The following PCDHA11 variants were observed in gnomAD, a reference collection of about 807,000 sequenced individuals.
PCDHA11 encodes the protein protocadherin alpha-11.
In PCDHA11, 61 loss-of-function variants were observed where a neutral mutation model predicts 70.3. The observed-to-expected ratio is 0.87, with a 90% confidence interval of 0.71 to 1.07. PCDHA11 has a LOEUF of 1.07. PCDHA11 is among the 50% of genes least tolerant of loss of function. The pLI is 0.00. For synonymous variants in PCDHA11, 633 were observed against 555.1 expected (o/e 1.14, Z -1.97); for missense variants, 1,324 against 1,237.5 (o/e 1.07, Z -1.05).
intron 1 of PCDHA11, among the ~76,000 whole-genome samples, chr5:140,958,989 A>C (rs2095457963): frequency 6.6e-6 from 1 of 152,064 alleles, no homozygotes; most frequent in Non-Finnish European, 1.5e-5. Flanking sequence ...TATTGTTGCT[A>C]ATCTTTTACT....
At chr5:140,924,028 G>A (rs908427261) in intron 1 of PCDHA11, among the ~76,000 whole-genome samples, 2 of 152,158 alleles carry the variant, frequency 1.3e-5, no homozygotes, top group South Asian at 4.1e-4. Context: ...TGGAGGCATG[G>A]CTGCAGACCT....
rs1483756278 is a variant in PCDHA11, at chr5:140,982,223, T to TA, written c.2451-246dup. On this transcript the variant is annotated intron_variant, in intron 2 of 3. Transcript: ENST00000398640. Reference sequence around the variant, plus strand: ...TTTAGTGAGCGCCACATGGCGTTAATAAAAAACAGAATTGCCATAAAGATA... The same window carrying TA: ...TTTAGTGAGCGCCACATGGCGTTAATAAAAAAACAGAATTGCCATAAAGATA... 8.6e-6 allele frequency: 5 copies of TA among 580,096 alleles called. No homozygotes were observed. In the East Asian group the frequency reaches 1.2e-4, roughly 14 times the overall value. The allele number at this position is 580,096 out of a possible 1,614,324, so 35.9% of individuals were successfully genotyped here. A position where few individuals can be genotyped will look rare whatever the true frequency, so the allele number is the denominator to read the frequency against.
chr5:140,885,371 C>T (rs2153409645), intron 1 of PCDHA11, among the ~76,000 whole-genome samples: 1 of 152,182 alleles, frequency 6.6e-6, no homozygotes, highest in East Asian at 1.9e-4. Flanking sequence ...CTGAAAGTAC[C>T]TTTTGGCAGT....
At chr5:140,938,827 C>T (rs905501922) in intron 1 of PCDHA11, among the ~76,000 whole-genome samples, 4 of 151,880 alleles carry the variant, frequency 2.6e-5, no homozygotes, top group Non-Finnish European at 4.4e-5. Context: ...CATGAGTTTG[C>T]GTTATAACAA....
chr5:140,996,524 C>A (rs1303736536), intron 3 of PCDHA11, among the ~76,000 whole-genome samples: 3 of 152,048 alleles, frequency 2.0e-5, no homozygotes, highest in African/African-American at 7.2e-5. Flanking sequence ...TTAGAAAGGC[C>A]CTGTGTGTTT....
At chr5:140,907,564 C>A (rs782642591) in intron 1 of PCDHA11, among the ~76,000 whole-genome samples, 1 of 152,228 alleles carries the variant, frequency 6.6e-6, no homozygotes, top group African/African-American at 2.4e-5. Flanking sequence ...ATATAATCAA[C>A]TTGCCACCAG....
intron 1 of PCDHA11, among the ~76,000 whole-genome samples, chr5:140,909,441 C>A (rs971678951): frequency 2.6e-5 from 4 of 152,214 alleles, no homozygotes; most frequent in African/African-American, 9.7e-5. Flanking sequence ...AATCCACTGT[C>A]ATTCTCCAAG....
intron 1 of PCDHA11, chr5:140,884,343 C>T (rs368888498): frequency 1.2e-6 from 2 of 1,613,900 alleles, no homozygotes; most frequent in Non-Finnish European, 1.7e-6. Context: ...CCAGAAGCGG[C>T]GCTGGTGGAT....
At chr5:140,901,515 T>C (rs1323018473) in intron 1 of PCDHA11, among the ~76,000 whole-genome samples, 1 of 152,178 alleles carries the variant, frequency 6.6e-6, no homozygotes, top group Non-Finnish European at 1.5e-5. Context: ...ATTATAGATA[T>C]GTGGATTTGT....
intron 1 of PCDHA11, chr5:140,875,685 C>T (rs563250653): frequency 6.2e-7 from 1 of 1,613,934 alleles, no homozygotes; most frequent in South Asian, 1.1e-5. Flanking sequence ...CCAAAAGACA[C>T]GGGGACCTTC....
At chr5:140,927,956 C>G in intron 1 of PCDHA11, 1 of 1,614,224 alleles carries the variant, frequency 6.2e-7, no homozygotes. Flanking sequence ...GACGCTGCCC[C>G]TGGCACAGTG....
At chr5:140,916,613 A>T (rs2077649645) in intron 1 of PCDHA11, among the ~76,000 whole-genome samples, 1 of 151,990 alleles carries the variant, frequency 6.6e-6, no homozygotes, top group Non-Finnish European at 1.5e-5. Flanking sequence ...GGGCCTCATG[A>T]CTCTACTCAA....
intron 1 of PCDHA11, among the ~76,000 whole-genome samples, chr5:140,908,402 T>C (rs2073951162): frequency 6.6e-6 from 1 of 152,166 alleles, no homozygotes; most frequent in Non-Finnish European, 1.5e-5. Flanking sequence ...TATATACCAC[T>C]TCCATTTGAT....
At chr5:140,924,049 T>C (rs1554201723) in intron 1 of PCDHA11, among the ~76,000 whole-genome samples, 1 of 152,254 alleles carries the variant, frequency 6.6e-6, no homozygotes, top group East Asian at 1.9e-4. Flanking sequence ...AAAAGTTCGG[T>C]ACATCTTTAC....
chr5:140,971,805 T>C (rs938421537), intron 1 of PCDHA11, among the ~76,000 whole-genome samples: 1 of 152,166 alleles, frequency 6.6e-6, no homozygotes, highest in Non-Finnish European at 1.5e-5. Flanking sequence ...AATATTATAA[T>C]ATTGAATACA....
At chr5:140,944,046 G>A (rs782798105) in intron 1 of PCDHA11, among the ~76,000 whole-genome samples, 3 of 152,158 alleles carry the variant, frequency 2.0e-5, no homozygotes, top group Non-Finnish European at 4.4e-5. Context: ...AACCAGATTG[G>A]GATACAAAAA....
At chr5:140,873,064 T>A (rs1554166548) in intron 1 of PCDHA11, among the ~76,000 whole-genome samples, 1 of 152,186 alleles carries the variant, frequency 6.6e-6, no homozygotes, top group Non-Finnish European at 1.5e-5. Context: ...TTCTTGAGAA[T>A]CATATCTAGC....
intron 1 of PCDHA11, among the ~76,000 whole-genome samples, chr5:140,888,357 G>C (rs2061799918): frequency 6.6e-6 from 1 of 152,138 alleles, no homozygotes; most frequent in Non-Finnish European, 1.5e-5. Flanking sequence ...ATTGCTACTG[G>C]CATCTAATAA....
chr5:140,875,651 T>A lies in PCDHA11; in HGVS notation c.2391+4157T>A, dbSNP rs782085221. The A allele has an allele frequency of 5.1e-5, 83 of 1,613,604 alleles. 1 individual carries two copies. The South Asian group carries it at 8.5e-4, about 16-fold the overall frequency. On this transcript the variant is annotated intron_variant, in intron 1 of 3. Coordinates refer to ENST00000398640, the MANE Select transcript of PCDHA11 (RefSeq NM_018902.5). Reference sequence around the variant, plus strand: ...CTGGGGCTGGAGCTGGCGGAGCTGGTGCCGCGCCTGTTCCGGGTGGCGTCC... The same window carrying A: ...CTGGGGCTGGAGCTGGCGGAGCTGGAGCCGCGCCTGTTCCGGGTGGCGTCC...
Sources: gnomAD v4.1 joint callset for allele counts (sites outside exome capture counted in the v4.1 genomes callset) on GRCh38, gnomAD v4.1.1 for gene constraint, MANE v1.5 for transcripts, NCBI Gene and HGNC (gene_info 2026-07-23, HGNC 2026-07-21) for gene names.